Variants in PRKG1 observed in about 807,000 individuals in gnomAD.
PRKG1 encodes protein kinase cGMP-dependent 1.
In PRKG1, 35 loss-of-function variants were observed where a neutral mutation model predicts 88.1. The observed-to-expected ratio is 0.40, with a 90% CI of 0.30 to 0.53. PRKG1 has a LOEUF of 0.53. Ranked by LOEUF, PRKG1 falls within the 20% of genes least tolerant of loss-of-function variation. The pLI, the probability that PRKG1 is intolerant of heterozygous loss-of-function variation, is 0.59. For missense variants in PRKG1, 540 were observed against 839.8 expected (o/e 0.64, Z 4.41); for synonymous variants, 303 against 292.5 (o/e 1.04, Z -0.37).
chr10:51,992,798 G>A (rs1260339738), intron 5 of PRKG1, among the ~76,000 whole-genome samples: 1 of 152,112 alleles, frequency 6.6e-6, no homozygotes, highest in East Asian at 1.9e-4. Flanking sequence ...CTCAACTGAA[G>A]TTGAAAATTG....
At chr10:51,320,976 C>A (rs969667894) in intron 2 of PRKG1, among the ~76,000 whole-genome samples, 4 of 152,056 alleles carry the variant, frequency 2.6e-5, no homozygotes, top group African/African-American at 9.7e-5. Flanking sequence ...AACTTGACTG[C>A]ATTTTCTAGG....
In PRKG1 at chr10:51,028,555, G is replaced by A. The variant is rs975883716; in HGVS notation, c.266+36911G>A. ...CAATAATCTGCCTAATTTTATTGCT[G>A]GGAGAAGACAGGGAAGAGAAGCCAG... On this transcript the variant is annotated intron_variant, in intron 1 of 17. Transcript: ENST00000401604. Among the ~76,000 whole-genome samples, 5 of 140,998 alleles carry A rather than the reference G, an allele frequency of 3.5e-5. No homozygotes were observed. In the East Asian group the frequency reaches 1.1e-3, roughly 30 times the overall value. 92.5% of individuals were successfully genotyped at this position (140,998 alleles called of 152,430 possible). A position where few individuals can be genotyped will look rare whatever the true frequency, so the allele number is the denominator to read the frequency against.
chr10:51,213,947 TATAGTTCTC>T (rs1261012454), intron 2 of PRKG1, among the ~76,000 whole-genome samples: 11 of 152,198 alleles, frequency 7.2e-5, no homozygotes, highest in African/African-American at 2.7e-4. Flanking sequence ...GCCTTTTGTT[TATAGTTCTC>T]GTTTGGAATC....
chr10:51,946,865 C>CCCCTACTG (rs751715726), intron 5 of PRKG1, among the ~76,000 whole-genome samples: 138 of 152,132 alleles, frequency 9.1e-4, no homozygotes, highest in Non-Finnish European at 1.6e-3. Context: ...TGTCAGTCTA[C>CCCCTACTG]CCCTACTGGG....
At chr10:52,105,973 C>T (rs1589610757) in intron 7 of PRKG1, among the ~76,000 whole-genome samples, 1 of 152,138 alleles carries the variant, frequency 6.6e-6, no homozygotes, top group Non-Finnish European at 1.5e-5. Context: ...CCACTCCCCT[C>T]CCACTCTTCC....
chr10:51,003,826 C>T (rs1842913822), intron 1 of PRKG1, among the ~76,000 whole-genome samples: 1 of 152,122 alleles, frequency 6.6e-6, no homozygotes, highest in African/African-American at 2.4e-5. Flanking sequence ...AATTCCATAA[C>T]ACTCCTCAGT....
At chr10:52,063,189 T>G (rs1363597155) in intron 7 of PRKG1, among the ~76,000 whole-genome samples, 9 of 152,200 alleles carry the variant, frequency 5.9e-5, no homozygotes, top group Non-Finnish European at 7.3e-5. Context: ...AGACTGCAAG[T>G]CAGGCGTGAA....
chr10:51,570,277 A>AACCTT (rs1480025127), intron 3 of PRKG1, among the ~76,000 whole-genome samples: 1 of 151,730 alleles, frequency 6.6e-6, no homozygotes, highest in African/African-American at 2.4e-5. Context: ...GATGAGGGGA[A>AACCTT]ACCTTACCTA....
chr10:51,013,066 T>C (rs1254890705), intron 1 of PRKG1, among the ~76,000 whole-genome samples: 5 of 152,224 alleles, frequency 3.3e-5, no homozygotes, highest in African/African-American at 1.2e-4. Flanking sequence ...GTGAGTTTCC[T>C]GAAGTATAGA....
intron 1 of PRKG1, among the ~76,000 whole-genome samples, chr10:51,103,515 A>G (rs183622770): frequency 2.6e-5 from 4 of 152,340 alleles, no homozygotes; most frequent in Admixed American, 1.3e-4. Context: ...ACTGATTGTG[A>G]TGATAGACCG....
upstream of PRKG1, chr10:51,074,483 T>C (rs910981612): frequency 7.4e-6 from 11 of 1,480,062 alleles, no homozygotes; most frequent in Non-Finnish European, 9.9e-6. Flanking sequence ...TAGGAAGCTT[T>C]GGCACTCGGG....
intron 5 of PRKG1, among the ~76,000 whole-genome samples, chr10:52,023,810 T>C (rs1289386181): frequency 6.6e-6 from 1 of 152,246 alleles, no homozygotes; most frequent in Non-Finnish European, 1.5e-5. Flanking sequence ...TTCTGGATAT[T>C]AGCCCTTTGT....
At chr10:52,247,804 C>G (rs1487085549) in intron 9 of PRKG1, among the ~76,000 whole-genome samples, 2 of 152,134 alleles carry the variant, frequency 1.3e-5, no homozygotes, top group African/African-American at 4.8e-5. Context: ...GAGACCAGCT[C>G]GGTCGGGGAG....
At chr10:52,221,361 T>C (rs1290872360) in intron 9 of PRKG1, among the ~76,000 whole-genome samples, 1 of 152,200 alleles carries the variant, frequency 6.6e-6, no homozygotes, top group East Asian at 1.9e-4. Flanking sequence ...TCTGTTAAAA[T>C]TTAATGTAGA....
intron 3 of PRKG1, among the ~76,000 whole-genome samples, chr10:51,639,806 A>G (rs1805109738): frequency 6.6e-6 from 1 of 152,082 alleles, no homozygotes; most frequent in South Asian, 2.1e-4. Flanking sequence ...AACCACAACT[A>G]CTTTTGCGCC....
chr10:51,266,623 A>G (rs904559236), intron 2 of PRKG1, among the ~76,000 whole-genome samples: 1 of 152,242 alleles, frequency 6.6e-6, no homozygotes, highest in Non-Finnish European at 1.5e-5. Context: ...CTGTTTGGTT[A>G]CAACAGAACT....
At chr10:52,165,551 T>A (rs776606252) in intron 9 of PRKG1, among the ~76,000 whole-genome samples, 2 of 152,198 alleles carry the variant, frequency 1.3e-5, no homozygotes, top group Non-Finnish European at 2.9e-5. Context: ...AGAAAGACAA[T>A]GTTAATTTGG....
At chr10:51,994,359 A>G (rs1367720750) in intron 5 of PRKG1, among the ~76,000 whole-genome samples, 1 of 152,168 alleles carries the variant, frequency 6.6e-6, no homozygotes, top group Non-Finnish European at 1.5e-5. Flanking sequence ...CTGACAGAAG[A>G]TGCCCTCTTG....
intron 1 of PRKG1, among the ~76,000 whole-genome samples, chr10:51,004,288 A>C (rs1381770227): frequency 6.6e-6 from 1 of 152,056 alleles, no homozygotes; most frequent in Non-Finnish European, 1.5e-5. Flanking sequence ...ACATGGAGAA[A>C]CCCCGTCTCT....
Sources: allele counts gnomAD v4.1 joint callset (sites outside exome capture counted in the v4.1 genomes callset), GRCh38; gene constraint gnomAD v4.1.1; transcripts MANE v1.5; gene names NCBI Gene and HGNC (gene_info 2026-07-23, HGNC 2026-07-21).